The following HKDC1 variants were observed in gnomAD, a reference collection of about 807,000 sequenced individuals.
The protein encoded by HKDC1 is hexokinase HKDC1.
HKDC1 carries 66 observed loss-of-function variants against 96.6 expected under a neutral mutation model. That is an observed-to-expected ratio of 0.68 (90% CI 0.56 to 0.84). HKDC1 has a LOEUF of 0.84. Ranked by LOEUF, HKDC1 falls within the 40% of genes least tolerant of loss-of-function variation. HKDC1 has a pLI of 0.00. For missense variants in HKDC1, 1,211 were observed against 1,208.1 expected (o/e 1.00, Z -0.04); for synonymous variants, 466 against 473.1 (o/e 0.98, Z 0.20).
Position 69,267,377 on chromosome 10 carries a change from G to GCA in HKDC1, c.*622_*623dup. The GCA allele has an allele frequency of 2.4e-6, 1 of 421,348 alleles. No individual in the cohort carries two copies. The allele number at this position is 421,348 out of a possible 1,614,324, so 26.1% of individuals were successfully genotyped here. A position where few individuals can be genotyped will look rare whatever the true frequency, so the allele number is the denominator to read the frequency against. On this transcript the variant is annotated 3_prime_UTR_variant, in exon 18 of 18. Coordinates refer to ENST00000354624, the MANE Select transcript of HKDC1 (RefSeq NM_025130.4). Reference sequence around the variant, plus strand: ...TGCATGCTTAAAGCGAGTTATGTCAGCACCCTGTAGGATTTTGTTCCTTAT... The same window carrying GCA: ...TGCATGCTTAAAGCGAGTTATGTCAGCACACCCTGTAGGATTTTGTTCCTTAT...
At chr10:69,257,159 T>C in intron 13 of HKDC1, 28 bp downstream of exon 13, 1 of 1,585,954 alleles carries the variant, frequency 6.3e-7, no homozygotes, top group Non-Finnish European at 8.7e-7. Context: ...GGCTCATGCC[T>C]GCTCTTGCTG....
chr10:69,229,781 C>T (rs887300031), intron 2 of HKDC1, among the ~76,000 whole-genome samples: 2 of 152,158 alleles, frequency 1.3e-5, no homozygotes, highest in African/African-American at 4.8e-5. Flanking sequence ...CCACACAAAG[C>T]ATCTCACCAG....
At chr10:69,265,898 C>T in intron 17 of HKDC1, 80 bp downstream of exon 17, 1 of 1,002,642 alleles carries the variant, frequency 1.0e-6, no homozygotes, top group Non-Finnish European at 1.5e-6. Context: ...GCCTCCTGAA[C>T]TGCGGCATGG....
chr10:69,257,388 G>C lies in HKDC1; in HGVS notation c.1994G>C (p.Gly665Ala). ...NDTVGTMMTCGYEDPNCEIGL... is the reference protein window; with the variant it reads ...NDTVGTMMTCAYEDPNCEIGL... ...ACAGTGGGGACCATGATGACCTGTGGCTATGAAGATCCTAATTGTGAGATT... is the reference window on the plus strand; with the variant it reads ...ACAGTGGGGACCATGATGACCTGTGCCTATGAAGATCCTAATTGTGAGATT... The change falls in exon 14 of 18, where the codon GGC (glycine) becomes GCC (alanine). Residue 665 changes from glycine (G) to alanine (A), a missense_variant. By Grantham distance (60) the Gly-to-Ala change is moderately conservative (BLOSUM62 0). Coordinates refer to ENST00000354624, the MANE Select transcript of HKDC1 (RefSeq NM_025130.4). 6.2e-7 allele frequency: 1 copy of C among 1,614,072 alleles called. No homozygotes were observed. The highest frequency in any genetic ancestry group is 8.5e-7 in the Non-Finnish European group (1 of 1,179,920).
intron 15 of HKDC1, among the ~76,000 whole-genome samples, chr10:69,260,247 T>C (rs767571236): frequency 7.2e-5 from 11 of 152,208 alleles, no homozygotes; most frequent in Non-Finnish European, 1.5e-4. Context: ...AGACCAAGAC[T>C]GGCCCTGGTG....
chr10:69,251,298 G>T (rs1843640894), intron 12 of HKDC1, among the ~76,000 whole-genome samples: 1 of 151,940 alleles, frequency 6.6e-6, no homozygotes, highest in African/African-American at 2.4e-5. Flanking sequence ...GTTTCACCAT[G>T]TTGGCAAGGC....
At chr10:69,229,368 A>T (rs747647664) in intron 2 of HKDC1, among the ~76,000 whole-genome samples, 2 of 152,210 alleles carry the variant, frequency 1.3e-5, no homozygotes, top group Non-Finnish European at 2.9e-5. Flanking sequence ...CTTGGGATGG[A>T]CAGTGCCCTG....
At chr10:69,261,477 A>C in intron 16 of HKDC1, 183 bp downstream of exon 16, 1 of 569,964 alleles carries the variant, frequency 1.8e-6, no homozygotes, top group Non-Finnish European at 3.1e-6. Flanking sequence ...TAATAAACTC[A>C]TGGCCAAACT....
chr10:69,249,402 G>C (rs1843599554), intron 10 of HKDC1, among the ~76,000 whole-genome samples: 2 of 152,222 alleles, frequency 1.3e-5, no homozygotes, highest in Admixed American at 1.3e-4. Context: ...TGCCATACCT[G>C]AGACTTACAG....
chr10:69,221,852 G>C (rs990521387), intron 1 of HKDC1, among the ~76,000 whole-genome samples: 1 of 151,882 alleles, frequency 6.6e-6, no homozygotes, highest in Non-Finnish European at 1.5e-5. Flanking sequence ...AGGATGGCTT[G>C]AGCCCGGGAG....
At chr10:69,229,765 C>T (rs1045942460) in intron 2 of HKDC1, among the ~76,000 whole-genome samples, 3 of 152,158 alleles carry the variant, frequency 2.0e-5, no homozygotes, top group Admixed American at 1.3e-4. Flanking sequence ...TCCGCAGAGC[C>T]TCTCACCACA....
chr10:69,247,349 C>G lies in HKDC1; in HGVS notation c.1032-11C>G, dbSNP rs757666967. ...AGAAGTGTCGTTCACTCATTCCTGT[C>G]CCCTGGCCAGGTATAAAGAAGGCCT... On this transcript the variant is annotated splice_polypyrimidine_tract_variant and intron_variant, in intron 8 of 17. Transcript: ENST00000354624. 5 of 1,592,764 alleles carry G rather than the reference C, an allele frequency of 3.1e-6. No individual in the cohort carries two copies. The highest frequency in any genetic ancestry group is 4.3e-6 in the Non-Finnish European group (5 of 1,160,560).
Position 69,265,601 on chromosome 10 carries a change from C to T in HKDC1, c.2389C>T (p.Leu797Phe). The change falls in exon 17 of 18, where the codon CTC (leucine) becomes TTC (phenylalanine). Residue 797 changes from leucine (L) to phenylalanine (F), a missense_variant. Leu to Phe is a conservative substitution (Grantham distance 22). Transcript: ENST00000354624. ...SQIESDRLAL[L>F]QVRRILQQLG... ...TGCCTGCAGCGATCGGCTGGCCCTT[C>T]TCCAGGTCAGGAGGATTCTGCAGCA... 1 of 1,613,474 alleles carries T rather than the reference C, an allele frequency of 6.2e-7. No individual in the cohort carries two copies. Among genetic ancestry groups the T allele is most frequent in the Admixed American group, 1.7e-5 (1 of 59,726 alleles).
chr10:69,250,288 A>G lies in HKDC1; in HGVS notation c.1571-2A>G. 2 of 1,612,046 alleles carry G rather than the reference A, an allele frequency of 1.2e-6. No individual in the cohort carries two copies. The highest frequency in any genetic ancestry group is 2.2e-5 in the East Asian group (1 of 44,872). ...ATGCAGCTGCTGCTTTCTCCATCAC[A>G]GAGAAAGGAAAGTTTCTCGCCCTGG... is the stretch of plus-strand genomic sequence containing the variant. On this transcript the variant is annotated splice_acceptor_variant, in intron 10 of 17. Transcript: ENST00000354624. LOFTEE classifies it high-confidence loss of function.
chr10:69,231,002 C>T (rs1329743115), intron 2 of HKDC1, among the ~76,000 whole-genome samples: 1 of 152,188 alleles, frequency 6.6e-6, no homozygotes, highest in African/African-American at 2.4e-5. Context: ...CTCCCAGGGT[C>T]CACTGGTTCC....
intron 1 of HKDC1, 103 bp downstream of exon 1, chr10:69,220,601 G>T: frequency 1.3e-6 from 1 of 758,336 alleles, no homozygotes; most frequent in Non-Finnish European, 2.1e-6. Flanking sequence ...GAGCTTATTA[G>T]AAAAGATACT....
At chr10:69,228,927 G>A (rs756287308) in intron 2 of HKDC1, among the ~76,000 whole-genome samples, 19 of 150,594 alleles carry the variant, frequency 1.3e-4, no homozygotes, top group African/African-American at 4.6e-4. Flanking sequence ...AGAAAGAAAG[G>A]AAAGAAAGAA....
rs373123893 is a variant in HKDC1, at chr10:69,246,020, G to A, written c.876-59G>A. ...TGTGGGCAGTGGCTCCTGGTCTTCG[G>A]GAAATGATGCAGCTTAATCAAAGGG... is the stretch of plus-strand genomic sequence containing the variant. On this transcript the variant is annotated intron_variant, in intron 7 of 17. Coordinates refer to ENST00000354624, the MANE Select transcript of HKDC1 (RefSeq NM_025130.4). The A allele has an allele frequency of 1.1e-4, 174 of 1,593,784 alleles. 3 individuals carry two copies. In the East Asian group the frequency reaches 2.0e-3, roughly 18 times the overall value.
intron 4 of HKDC1, among the ~76,000 whole-genome samples, chr10:69,238,372 T>TC (rs1843397274): frequency 5.2e-4 from 1 of 1,934 alleles, no homozygotes; most frequent in African/African-American, 1.1e-3. Context: ...TATTTTCTTT[T>TC]TTTTTTTTTT....
Sources: allele counts gnomAD v4.1 joint callset (sites outside exome capture counted in the v4.1 genomes callset), GRCh38; gene constraint gnomAD v4.1.1; transcripts MANE v1.5; gene names NCBI Gene and HGNC (gene_info 2026-07-23, HGNC 2026-07-21).